The following AGBL4 variants were observed in gnomAD, a reference collection of about 807,000 sequenced individuals.
AGBL4 encodes the protein cytosolic carboxypeptidase 6.
AGBL4 carries 58 observed loss-of-function variants against 66.4 expected under a neutral mutation model. The ratio of observed to expected loss-of-function variants is 0.87; its 90% CI spans 0.71 to 1.09. The LOEUF is 1.09. Among genes scored for constraint, AGBL4 ranks in the 50% least tolerant of loss-of-function variants. The pLI is 0.00. For synonymous variants in AGBL4, 234 were observed against 222.9 expected, an observed-to-expected ratio of 1.05 and a Z score of -0.44; for missense variants, 579 against 631.0, an observed-to-expected ratio of 0.92 and a Z score of 0.88.
chr1:49,634,678 C>A (rs71647744), intron 3 of AGBL4, among the ~76,000 whole-genome samples: 319 of 152,316 alleles, frequency 2.1e-3, no homozygotes, highest in Middle Eastern at 0.01. Flanking sequence ...ACACTCCCAA[C>A]AACAGTGTAA....
At chr1:49,021,620 C>T (rs956711667) in intron 5 of AGBL4, among the ~76,000 whole-genome samples, 6 of 152,160 alleles carry the variant, frequency 3.9e-5, no homozygotes, top group Admixed American at 3.3e-4. Flanking sequence ...GACTTCCAGC[C>T]TCTTGAACTG....
At chr1:49,681,708 C>T (rs1646696503) in intron 3 of AGBL4, among the ~76,000 whole-genome samples, 1 of 152,212 alleles carries the variant, frequency 6.6e-6, no homozygotes, top group African/African-American at 2.4e-5. Context: ...TCTGATTTCA[C>T]AGCAGAAAGT....
chr1:49,940,796 A>G lies in AGBL4; in HGVS notation c.34+82967T>C, dbSNP rs568091186. Among the ~76,000 whole-genome samples the G allele has an allele frequency of 1.7e-3, 252 of 152,240 alleles. 2 individuals carry two copies. The highest frequency in any genetic ancestry group is 5.8e-3 in the African/African-American group (242 of 41,554). On this transcript the variant is annotated intron_variant, in intron 1 of 13. Transcript: ENST00000371839. ...CAGCACACCAGCATGGCACATGTATACATATGTAACTAACCTGCACATTGT... is the reference window on the plus strand; with the variant it reads ...CAGCACACCAGCATGGCACATGTATGCATATGTAACTAACCTGCACATTGT...
intron 1 of AGBL4, among the ~76,000 whole-genome samples, chr1:49,965,498 T>C (rs1274093393): frequency 6.6e-6 from 1 of 152,130 alleles, no homozygotes; most frequent in Non-Finnish European, 1.5e-5. Context: ...CCCAAATACA[T>C]TTAATTGGAC....
At chr1:49,468,029 G>T (rs1646665598) in intron 3 of AGBL4, among the ~76,000 whole-genome samples, 1 of 151,680 alleles carries the variant, frequency 6.6e-6, no homozygotes, top group Admixed American at 6.6e-5. Context: ...AATTTTAAAT[G>T]ACATTTAAAA....
intron 4 of AGBL4, among the ~76,000 whole-genome samples, chr1:49,086,412 CT>C (rs1411143380): frequency 6.6e-6 from 1 of 152,104 alleles, no homozygotes; most frequent in Non-Finnish European, 1.5e-5. Context: ...ACCCCTGCTG[CT>C]GGTAGCCAGG....
intron 2 of AGBL4, among the ~76,000 whole-genome samples, chr1:49,762,449 G>T (rs1652400465): frequency 7.1e-6 from 1 of 140,998 alleles, no homozygotes; most frequent in Non-Finnish European, 1.5e-5. Flanking sequence ...GTCTTGCTCT[G>T]TCGCCCAGGC....
intron 1 of AGBL4, among the ~76,000 whole-genome samples, chr1:49,948,865 C>T (rs1439182327): frequency 6.6e-6 from 1 of 151,274 alleles, no homozygotes; most frequent in Non-Finnish European, 1.5e-5. Flanking sequence ...GAGCCAAAAA[C>T]GAGCCCACCA....
rs537325950 is a variant in AGBL4, at chr1:49,200,720, G to T, written c.377+45050C>A. The stretch of plus-strand genomic sequence containing the variant: ...AGATGGAAGAGGTGCATAGGACAAG[G>T]CATTTGGGAAGGGATGCAGGGCCAC... On this transcript the variant is annotated intron_variant, in intron 4 of 13. Coordinates refer to ENST00000371839, the MANE Select transcript of AGBL4 (RefSeq NM_032785.4). 1.8e-3 allele frequency among the ~76,000 whole-genome samples: 279 copies of T among 152,326 alleles called. 1 individual carries two copies. The highest frequency in any genetic ancestry group is 6.5e-3 in the African/African-American group (271 of 41,588).
chr1:48,726,364 T>G (rs1015886914), intron 6 of AGBL4, among the ~76,000 whole-genome samples: 2 of 152,080 alleles, frequency 1.3e-5, no homozygotes, highest in Non-Finnish European at 2.9e-5. Flanking sequence ...TTTTCCAGCA[T>G]CTCACGCAAT....
At chr1:49,768,681 T>A (rs1199874577) in intron 2 of AGBL4, among the ~76,000 whole-genome samples, 1 of 152,040 alleles carries the variant, frequency 6.6e-6, no homozygotes, top group East Asian at 1.9e-4. Context: ...GCCAGAGCAA[T>A]CAGGCAAGAG....
chr1:49,482,023 T>A (rs528486997), intron 3 of AGBL4, among the ~76,000 whole-genome samples: 1 of 151,126 alleles, frequency 6.6e-6, no homozygotes, highest in Non-Finnish European at 1.5e-5. Context: ...TGTACTCGGT[T>A]TGCCAGTATT....
chr1:49,563,709 G>T (rs1306712144), intron 3 of AGBL4, among the ~76,000 whole-genome samples: 1 of 152,106 alleles, frequency 6.6e-6, no homozygotes, highest in Non-Finnish European at 1.5e-5. Context: ...GATTTGGTTT[G>T]CCAGTATTTT....
chr1:49,893,876 T>C (rs1295658297), intron 1 of AGBL4, among the ~76,000 whole-genome samples: 1 of 152,110 alleles, frequency 6.6e-6, no homozygotes, highest in Admixed American at 6.6e-5. Context: ...TGAGTGAACA[T>C]AGGCAGTAGA....
At position 49,301,684 on chromosome 1, in the gene AGBL4, A is replaced by G. The variant is rs374612101; in HGVS notation, c.283-55820T>C. The stretch of plus-strand genomic sequence containing the variant: ...GGGAACAAGATTTGTAAACTTCACT[A>G]ATTGCCTCTATAGATAACATCACTA... On this transcript the variant is annotated intron_variant, in intron 3 of 13. Coordinates refer to ENST00000371839, the MANE Select transcript of AGBL4 (RefSeq NM_032785.4). 1.1e-3 allele frequency among the ~76,000 whole-genome samples: 164 copies of G among 152,264 alleles called. 1 individual carries two copies. The highest frequency in any genetic ancestry group is 3.8e-3 in the African/African-American group (158 of 41,554).
intron 11 of AGBL4, among the ~76,000 whole-genome samples, chr1:48,563,355 T>C (rs1644425605): frequency 6.6e-6 from 1 of 152,226 alleles, no homozygotes; most frequent in Non-Finnish European, 1.5e-5. Flanking sequence ...TAGGCAATTC[T>C]ATAGCAGCCA....
At chr1:49,078,201 G>T (rs1422570993) in intron 4 of AGBL4, among the ~76,000 whole-genome samples, 2 of 152,120 alleles carry the variant, frequency 1.3e-5, no homozygotes, top group Non-Finnish European at 2.9e-5. Flanking sequence ...CAGAGTAGGA[G>T]GAGAGAGAAG....
intron 6 of AGBL4, among the ~76,000 whole-genome samples, chr1:48,827,066 C>T (rs944729787): frequency 6.6e-6 from 1 of 152,174 alleles, no homozygotes; most frequent in Non-Finnish European, 1.5e-5. Context: ...AGATTCTGGA[C>T]AAATGCTATG....
At chr1:49,109,766 C>T (rs1007982235) in intron 4 of AGBL4, among the ~76,000 whole-genome samples, 1 of 152,034 alleles carries the variant, frequency 6.6e-6, no homozygotes, top group African/African-American at 2.4e-5. Context: ...TCACTGATTC[C>T]ACCTTTCCCC....
Sources: gnomAD v4.1 joint callset for allele counts (sites outside exome capture counted in the v4.1 genomes callset) on GRCh38, gnomAD v4.1.1 for gene constraint, MANE v1.5 for transcripts, NCBI Gene and HGNC (gene_info 2026-07-23, HGNC 2026-07-21) for gene names.